ASAH2: variants seen among roughly 807,000 people sequenced by gnomAD.
The protein encoded by ASAH2 is N-acylsphingosine amidohydrolase 2.
In ASAH2, 58 loss-of-function variants were observed where a neutral mutation model predicts 82.9. The ratio of observed to expected loss-of-function variants is 0.70; its 90% CI spans 0.57 to 0.87. The LOEUF is 0.87. ASAH2 is among the 40% of genes least tolerant of loss of function. ASAH2 has a pLI of 0.00. For missense variants in ASAH2, 779 were observed against 834.0 expected (o/e 0.93, Z 0.81); for synonymous variants, 276 against 289.7 (o/e 0.95, Z 0.48).
At chr10:50,206,537 T>TACACACACAC (rs544968746) in intron 12 of ASAH2, among the ~76,000 whole-genome samples, 7,563 of 130,606 alleles carry the variant, frequency 0.058, 288 homozygotes, top group African/African-American at 0.088. Context: ...TTTAGTTATC[T>TACACACACAC]ACACACACAC....
intron 7 of ASAH2, 29 bp downstream of exon 7, chr10:50,233,155 G>A (rs1846060072): frequency 6.7e-7 from 1 of 1,494,270 alleles, no homozygotes; most frequent in Non-Finnish European, 9.3e-7. Context: ...CTACCCGACA[G>A]AATTATTTTT....
rs1368249859 is a variant in ASAH2, at chr10:50,187,130, A to T, written c.*185T>A. On this transcript the variant is annotated 3_prime_UTR_variant, in exon 21 of 21. Coordinates refer to ENST00000682911, the MANE Select transcript of ASAH2 (RefSeq NM_019893.4). ...CTCTCTCTCTCTCTCACACACACAC[A>T]CACACACACACACACACACACACAC... is the stretch of plus-strand genomic sequence containing the variant. The T allele has an allele frequency of 0.057, 13,155 of 230,976 alleles. 478 individuals are homozygous for T. Among genetic ancestry groups the T allele is most frequent in the Non-Finnish European group, 0.075 (8,273 of 110,424 alleles). 14.3% of individuals were successfully genotyped at this position (230,976 alleles called of 1,614,324 possible).
chr10:50,233,175 A>G lies in ASAH2; in HGVS notation c.893+9T>C, dbSNP rs1179518770. 6.9e-6 allele frequency: 11 copies of G among 1,590,522 alleles called. No individual in the cohort carries two copies. Among genetic ancestry groups the G allele is most frequent in the South Asian group, 1.1e-5 (1 of 90,626 alleles). ...CGACAGAATTATTTTTAAAAAGGAAATACAGTACCTGATAAGGCCCAAGTC... is the reference window on the plus strand; with the variant it reads ...CGACAGAATTATTTTTAAAAAGGAAGTACAGTACCTGATAAGGCCCAAGTC... On this transcript the variant is annotated intron_variant, in intron 7 of 20. Coordinates refer to ENST00000682911, the MANE Select transcript of ASAH2 (RefSeq NM_019893.4).
chr10:50,209,621 A>T (rs1354030911), intron 12 of ASAH2, among the ~76,000 whole-genome samples: 1 of 152,176 alleles, frequency 6.6e-6, no homozygotes, highest in Non-Finnish European at 1.5e-5. Flanking sequence ...TGCTGGGAAA[A>T]TATTTTTATA....
intron 4 of ASAH2, among the ~76,000 whole-genome samples, chr10:50,240,047 C>T (rs911339792): frequency 4.0e-5 from 6 of 151,884 alleles, no homozygotes; most frequent in Admixed American, 6.6e-5. Flanking sequence ...AGGTTGGTCT[C>T]GAACTCCTGA....
chr10:50,234,628 G>A, intron 5 of ASAH2, 76 bp from the exon 6 acceptor site: 2 of 1,598,108 alleles, frequency 1.3e-6, no homozygotes, highest in Non-Finnish European at 1.7e-6. Flanking sequence ...AATATAAACA[G>A]AAGAGCCCTG....
At chr10:50,240,482 T>C (rs1229833143) in intron 4 of ASAH2, 1 of 702,090 alleles carries the variant, frequency 1.4e-6, no homozygotes, top group Non-Finnish European at 2.6e-6. Flanking sequence ...CCCTACCTGC[T>C]TAATCATCCT....
rs115286664 is a variant in ASAH2 at position 50,248,355 on chromosome 10, G to A, written c.127+129C>T. 8.9e-4 allele frequency: 1,005 copies of A among 1,132,876 alleles called. 6 individuals are homozygous for A. The African/African-American group carries it at 0.014, about 15-fold the overall frequency. The allele number at this position is 1,132,876 out of a possible 1,614,324, so 70.2% of individuals were successfully genotyped here. Reference sequence around the variant, plus strand: ...ATGGGCAATTAATGCAAAGGGAGACGGCTATTCCAGGCTGCTTAAGTACAC... The same window carrying A: ...ATGGGCAATTAATGCAAAGGGAGACAGCTATTCCAGGCTGCTTAAGTACAC... On this transcript the variant is annotated intron_variant, in intron 2 of 20. Coordinates refer to ENST00000682911, the MANE Select transcript of ASAH2 (RefSeq NM_019893.4).
intron 7 of ASAH2, among the ~76,000 whole-genome samples, chr10:50,230,960 G>A (rs975754244): frequency 4.0e-5 from 6 of 151,206 alleles, no homozygotes; most frequent in Non-Finnish European, 8.8e-5. Flanking sequence ...AGGATCACTT[G>A]AGCCTAGGAA....
chr10:50,194,827 C>A (rs550017024), intron 18 of ASAH2, among the ~76,000 whole-genome samples: 5 of 151,550 alleles, frequency 3.3e-5, no homozygotes, highest in Admixed American at 2.6e-4. Flanking sequence ...ACAGTCTCTT[C>A]AATAAATGCT....
intron 16 of ASAH2, 130 bp downstream of exon 16, chr10:50,202,699 C>A: frequency 1.4e-6 from 1 of 734,912 alleles, no homozygotes; most frequent in Admixed American, 2.0e-5. Context: ...CATCCTCTTA[C>A]CTGTTATACC....
At chr10:50,205,851 T>G in intron 13 of ASAH2, 131 bp downstream of exon 13, 2 of 799,604 alleles carry the variant, frequency 2.5e-6, no homozygotes, top group Non-Finnish European at 4.3e-6. Context: ...TTTTTAATAT[T>G]AAAAACTTGA....
Position 50,218,395 on chromosome 10 carries a change from T to A in ASAH2, c.1014+115A>T, listed in dbSNP as rs1845664372. 2.8e-6 allele frequency: 4 copies of A among 1,415,626 alleles called. 1 individual carries two copies. The highest frequency in any genetic ancestry group is 4.0e-6 in the Non-Finnish European group (4 of 1,000,920). 87.7% of individuals were successfully genotyped at this position (1,415,626 alleles called of 1,614,324 possible). A position where few individuals can be genotyped will look rare whatever the true frequency, so the allele number is the denominator to read the frequency against. The stretch of plus-strand genomic sequence containing the variant: ...TGCTGTCTATTCAAGCATACCAATA[T>A]GTGAGATTGATGATGACACTTTATT... On this transcript the variant is annotated intron_variant, in intron 8 of 20. Coordinates refer to ENST00000682911, the MANE Select transcript of ASAH2 (RefSeq NM_019893.4).
chr10:50,211,708 A>C (rs879059228), intron 10 of ASAH2, among the ~76,000 whole-genome samples: 114,840 of 152,122 alleles, frequency 0.75, 45,617 homozygotes, highest in Non-Finnish European at 0.88. Context: ...CAAGTTTAAA[A>C]AACTCTTTGT....
chr10:50,204,816 T>C (rs1186528665), intron 14 of ASAH2, 45 bp downstream of exon 14: 5 of 1,392,442 alleles, frequency 3.6e-6, no homozygotes, highest in Non-Finnish European at 5.0e-6. Flanking sequence ...CAACAGAACA[T>C]ACAACAAACA....
chr10:50,243,161 C>T (rs373288583), intron 4 of ASAH2, 41 bp downstream of exon 4: 2 of 1,606,968 alleles, frequency 1.2e-6, no homozygotes, highest in African/African-American at 2.7e-5. Context: ...TTCCTTAAAC[C>T]ATATCATTTC....
chr10:50,218,597 G>A lies in ASAH2; in HGVS notation c.927C>T (p.Asn309=), dbSNP rs1486831035. 3.1e-6 allele frequency: 5 copies of A among 1,613,704 alleles called. No individual in the cohort carries two copies. Among genetic ancestry groups the A allele is most frequent in the African/African-American group, 1.3e-5 (1 of 74,910 alleles). The change falls in exon 8 of 21, where the codon AAC becomes AAT. Residue 309 remains asparagine, a synonymous_variant. Transcript: ENST00000682911. ...TGTCACTGTTTACAAGATGGTTACT[G>A]TTGTTCATGCTGACCGGGTGGATGG... The part of the protein sequence containing the change: ...WFAIHPVSMN[N]SNHLVNSDNV...
intron 8 of ASAH2, among the ~76,000 whole-genome samples, chr10:50,216,722 C>T (rs1845611488): frequency 6.6e-6 from 1 of 152,182 alleles, no homozygotes; most frequent in Non-Finnish European, 1.5e-5. Context: ...TCTGCCTCAA[C>T]CCAACCACTC....
At chr10:50,211,337 C>T (rs556310310) in intron 10 of ASAH2, among the ~76,000 whole-genome samples, 1 of 152,192 alleles carries the variant, frequency 6.6e-6, no homozygotes, top group African/African-American at 2.4e-5. Context: ...TTGAAGTCTC[C>T]GAGGCTGTTG....
Sources: allele counts gnomAD v4.1 joint callset (sites outside exome capture counted in the v4.1 genomes callset), GRCh38; gene constraint gnomAD v4.1.1; transcripts MANE v1.5; gene names NCBI Gene and HGNC (gene_info 2026-07-23, HGNC 2026-07-21).